Variants in PHYKPL observed in about 807,000 individuals in gnomAD.
PHYKPL encodes 5-phosphohydroxy-L-lysine phospho-lyase.
Under a neutral mutation model 51.3 loss-of-function variants are expected in PHYKPL, and 42 were observed. The observed-to-expected ratio is 0.82, with a 90% CI of 0.64 to 1.06. PHYKPL has a LOEUF of 1.06. Among genes scored for constraint, PHYKPL ranks in the 50% least tolerant of loss-of-function variants. PHYKPL has a pLI of 0.00. For missense variants in PHYKPL, 655 were observed against 586.6 expected (o/e 1.12, Z -1.20); for synonymous variants, 264 against 236.0 (o/e 1.12, Z -1.09).
intron 3 of PHYKPL, among the ~76,000 whole-genome samples, chr5:178,228,860 C>A (rs1414731567): frequency 6.6e-6 from 1 of 152,186 alleles, no homozygotes; most frequent in African/African-American, 2.4e-5. Context: ...GACATCGTTT[C>A]CTGATTAAAG....
intron 2 of PHYKPL, 135 bp downstream of exon 2, chr5:178,231,270 C>A (rs970563500): frequency 7.0e-7 from 1 of 1,420,530 alleles, no homozygotes; most frequent in Non-Finnish European, 9.7e-7. Context: ...GAAGGCTGAG[C>A]CTCCTCTGCA....
At chr5:178,223,454 G>A (rs1476024511) in intron 6 of PHYKPL, 1 of 456,282 alleles carries the variant, frequency 2.2e-6, no homozygotes, top group Non-Finnish European at 4.4e-6. Context: ...GCATGTCACT[G>A]TTGTTTAAAA....
At chr5:178,220,635 C>A (rs1760970878) in intron 8 of PHYKPL, among the ~76,000 whole-genome samples, 1 of 151,768 alleles carries the variant, frequency 6.6e-6, no homozygotes, top group Non-Finnish European at 1.5e-5. Context: ...GCAATTCCAC[C>A]CTCAGGTACA....
chr5:178,230,038 G>A lies in PHYKPL; in HGVS notation c.240C>T (p.Thr80=), dbSNP rs553047533. Residue 80 remains threonine, a synonymous_variant, in exon 3 of 13, where the codon ACC becomes ACT. Transcript: ENST00000308158. The part of the protein sequence containing the change: ...AAHEQNQVLN[T]NSRYLHDNIV... ...TGTTGTCATGCAGGTACCGGCTGTT[G>A]GTGTTGAGCACCTGGTTCTGCTCAT... 35 of 1,614,202 alleles carry A rather than the reference G, an allele frequency of 2.2e-5. No individual in the cohort carries two copies. The African/African-American group carries it at 4.3e-4, about 20-fold the overall frequency.
chr5:178,218,683 G>A (rs1178403177), intron 8 of PHYKPL, among the ~76,000 whole-genome samples: 1 of 152,094 alleles, frequency 6.6e-6, no homozygotes, highest in African/African-American at 2.4e-5. Flanking sequence ...ATGGTATTTT[G>A]TTATAGTTAT....
intron 1 of PHYKPL, 123 bp from the exon 2 acceptor site, chr5:178,231,646 A>G (rs776430380): frequency 1.5e-5 from 24 of 1,601,228 alleles, no homozygotes; most frequent in Non-Finnish European, 2.0e-5. Context: ...GAGAGCTGGA[A>G]GGGCAAGGTG....
rs763413667 is a variant in PHYKPL, at chr5:178,210,285, G to A, written c.*32-1370C>T. 6.8e-6 allele frequency: 11 copies of A among 1,614,114 alleles called. No individual in the cohort carries two copies. In the South Asian group the frequency reaches 7.7e-5, roughly 11 times the overall value. ...GGCTACGACTACAGTAAGTAGGAGAGAGGGAGGCCCCATCCGCTCACCCCT... is the reference window on the plus strand; with the variant it reads ...GGCTACGACTACAGTAAGTAGGAGAAAGGGAGGCCCCATCCGCTCACCCCT... On this transcript the variant is annotated intron_variant, in intron 12 of 12. Coordinates refer to ENST00000308158, the MANE Select transcript of PHYKPL (RefSeq NM_153373.4).
chr5:178,208,465 T>G (rs769401855), downstream of PHYKPL: 3 of 152,232 alleles, frequency 2.0e-5, no homozygotes, highest in Non-Finnish European at 4.4e-5. Context: ...GTGAAACTAC[T>G]GGTAGTGAGT....
rs775090403 is a variant in PHYKPL at position 178,224,656 on chromosome 5, CCTT to C, written c.484_486del (p.Lys162del). 10 of 1,614,230 alleles carry C rather than the reference CCTT, an allele frequency of 6.2e-6. No individual in the cohort carries two copies. Among genetic ancestry groups the C allele is most frequent in the South Asian group, 4.4e-5 (4 of 91,090 alleles). On this transcript the variant is annotated inframe_deletion, in exon 5 of 13. Coordinates refer to ENST00000308158, the MANE Select transcript of PHYKPL (RefSeq NM_153373.4). ...GCAGTGCATACCACGTGGACCCACT[CCTT>C]CTGGCCATCCAGGTTGCGGAACTTG...
chr5:178,207,288 G>T, downstream of PHYKPL: 1 of 1,588,628 alleles, frequency 6.3e-7, no homozygotes, highest in Non-Finnish European at 8.6e-7. Flanking sequence ...TTAGAGGGAT[G>T]GGTTAGGGGT....
At chr5:178,211,794 A>AGTC (rs1758522736) in intron 12 of PHYKPL, 96 bp downstream of exon 12, 1 of 794,170 alleles carries the variant, frequency 1.3e-6, no homozygotes, top group Non-Finnish European at 2.1e-6. Context: ...AACAAAAAAA[A>AGTC]GTCTTAAAAA....
At chr5:178,207,144 T>G (rs765019759), downstream of PHYKPL, 20 of 1,613,908 alleles carry the variant, frequency 1.2e-5, no homozygotes, top group Non-Finnish European at 1.7e-5. Flanking sequence ...AAAGACGAGG[T>G]TTTGTGTTTA....
chr5:178,210,632 C>T (rs1275134593), intron 12 of PHYKPL: 1 of 1,608,058 alleles, frequency 6.2e-7, no homozygotes, highest in Non-Finnish European at 8.5e-7. Flanking sequence ...GAGGCGGCAG[C>T]AGGAGCGACC....
At chr5:178,215,167 T>A in intron 9 of PHYKPL, 109 bp downstream of exon 9, 2 of 1,540,510 alleles carry the variant, frequency 1.3e-6, no homozygotes, top group South Asian at 2.3e-5. Context: ...TCTCAGTTCC[T>A]CTTGAGAGCG....
intron 3 of PHYKPL, chr5:178,229,549 C>T (rs1413796773): frequency 6.3e-6 from 1 of 158,708 alleles, no homozygotes; most frequent in East Asian, 1.8e-4. Flanking sequence ...TTTTCTAGGC[C>T]TCATGATACC....
At chr5:178,226,594 G>A (rs1247704622) in intron 3 of PHYKPL, 4 of 152,210 alleles carry the variant, frequency 2.6e-5, no homozygotes, top group Admixed American at 2.0e-4. Context: ...TAGAACCTCT[G>A]TATGTTCAGT....
At chr5:178,221,701 C>T (rs1000008202) in intron 8 of PHYKPL, among the ~76,000 whole-genome samples, 6 of 152,134 alleles carry the variant, frequency 3.9e-5, no homozygotes, top group African/African-American at 1.2e-4. Flanking sequence ...GGGCCTCCTC[C>T]TCTCCTCCCT....
intron 6 of PHYKPL, chr5:178,223,851 C>T (rs980831233): frequency 2.7e-5 from 6 of 219,442 alleles, no homozygotes; most frequent in African/African-American, 9.4e-5. Context: ...ATACTGCCCC[C>T]GTCAGGCCTC....
chr5:178,216,829 A>G (rs1199422613), intron 8 of PHYKPL: 1 of 152,278 alleles, frequency 6.6e-6, no homozygotes, highest in Non-Finnish European at 1.5e-5. Flanking sequence ...TAAGGTGAGG[A>G]GTTCGAGACC....
Sources: gnomAD v4.1 joint callset for allele counts (sites outside exome capture counted in the v4.1 genomes callset) on GRCh38, gnomAD v4.1.1 for gene constraint, MANE v1.5 for transcripts, NCBI Gene and HGNC (gene_info 2026-07-23, HGNC 2026-07-21) for gene names.